CCDC9: variants seen among roughly 807,000 people sequenced by gnomAD.
The protein encoded by CCDC9 is coiled-coil domain-containing protein 9.
Under a neutral mutation model 65.6 loss-of-function variants are expected in CCDC9, and 52 were observed. That is an observed-to-expected ratio of 0.79 (90% confidence interval 0.63 to 1.00). The LOEUF (loss-of-function observed/expected upper bound fraction) is 1.00, where lower values mean the gene tolerates loss of function less well. Among genes scored for constraint, CCDC9 ranks in the 50% least tolerant of loss-of-function variants. The pLI, the probability that CCDC9 is intolerant of heterozygous loss-of-function variation, is 0.00. For synonymous variants in CCDC9, 332 were observed against 280.3 expected (o/e 1.18, Z -1.84); for missense variants, 834 against 757.2 (o/e 1.10, Z -1.19).
chr19:47,269,815 G>C (rs1332223272), intron 8 of CCDC9, among the ~76,000 whole-genome samples: 2 of 152,284 alleles, frequency 1.3e-5, no homozygotes, highest in East Asian at 3.9e-4. Context: ...AGGGAGACTG[G>C]TGGGAAAGGT....
At chr19:47,261,421 G>T (rs1443783449) in intron 5 of CCDC9, among the ~76,000 whole-genome samples, 1 of 152,138 alleles carries the variant, frequency 6.6e-6, no homozygotes, top group Non-Finnish European at 1.5e-5. Context: ...CAGCAGGGTG[G>T]GAGTCTGTCT....
At chr19:47,270,715 A>T in intron 10 of CCDC9, 27 bp downstream of exon 10, 3 of 1,600,114 alleles carry the variant, frequency 1.9e-6, no homozygotes, top group Non-Finnish European at 8.5e-7. Flanking sequence ...GCGGGCTTGC[A>T]TACCCCCAGG....
intron 10 of CCDC9, 61 bp from the exon 11 acceptor site, chr19:47,271,021 G>A (rs2059112903): frequency 7.8e-7 from 1 of 1,284,548 alleles, no homozygotes; most frequent in Non-Finnish European, 1.1e-6. Context: ...GTGGAGGCAG[G>A]AAGCCCCTTC....
At chr19:47,259,803 G>A (rs747709151) in intron 3 of CCDC9, among the ~76,000 whole-genome samples, 2 of 152,196 alleles carry the variant, frequency 1.3e-5, no homozygotes, top group African/African-American at 2.4e-5. Context: ...TGAGCGAGAC[G>A]CATATGGTGC....
At chr19:47,269,394 G>A (rs569173017) in intron 8 of CCDC9, among the ~76,000 whole-genome samples, 1 of 151,426 alleles carries the variant, frequency 6.6e-6, no homozygotes, top group South Asian at 2.1e-4. Flanking sequence ...TTGCTGTGTT[G>A]CCCAGGCTAG....
At chr19:47,263,163 G>A (rs1478780066) in intron 5 of CCDC9, among the ~76,000 whole-genome samples, 1 of 151,972 alleles carries the variant, frequency 6.6e-6, no homozygotes, top group Non-Finnish European at 1.5e-5. Flanking sequence ...ACGGATTGTG[G>A]TTGGTGGGGG....
intron 5 of CCDC9, among the ~76,000 whole-genome samples, chr19:47,261,805 G>A (rs78487578): frequency 0.33 from 49,851 of 150,248 alleles, 8,561 homozygotes; most frequent in East Asian, 0.59. Flanking sequence ...CGGATCACCT[G>A]AAGTCAGGAG....
chr19:47,261,937 C>T (rs1257511662), intron 5 of CCDC9, among the ~76,000 whole-genome samples: 2 of 151,634 alleles, frequency 1.3e-5, no homozygotes, highest in Non-Finnish European at 2.9e-5. Flanking sequence ...AGAAGAATTG[C>T]TTGAACCTGG....
chr19:47,267,471 A>T (rs999047355), intron 8 of CCDC9, among the ~76,000 whole-genome samples: 1 of 152,110 alleles, frequency 6.6e-6, no homozygotes, highest in African/African-American at 2.4e-5. Flanking sequence ...TCCAGGCTGG[A>T]CGCTAAGCTG....
At position 47,271,613 on chromosome 19, in the gene CCDC9, C is replaced by T; in HGVS notation, c.1531C>T (p.Pro511Ser). The T allele has an allele frequency of 6.2e-7, 1 of 1,611,060 alleles. No individual in the cohort carries two copies. The highest frequency in any genetic ancestry group is 8.5e-7 in the Non-Finnish European group (1 of 1,178,568). The change falls in exon 12 of 12, where the codon CCC becomes TCC. Residue 511 changes from proline to serine, a missense_variant. Coordinates refer to ENST00000221922, the MANE Select transcript of CCDC9 (RefSeq NM_015603.3). ...DWGEEVELNS[P>S]RTTHLAGALS... ...GGGTGAAGAGGTGGAGCTGAATTCTCCCCGGACCACTCACCTGGCTGGCGC... is the reference window on the plus strand; with the variant it reads ...GGGTGAAGAGGTGGAGCTGAATTCTTCCCGGACCACTCACCTGGCTGGCGC...
chr19:47,264,957 G>A lies in CCDC9; in HGVS notation c.720+11G>A. ...GAGCACGAGCGGCAGGTGGGTGTTG[G>A]CAGTGAGGACACCTCGGGGCTCTCA... is the stretch of plus-strand genomic sequence containing the variant. On this transcript the variant is annotated intron_variant, in intron 7 of 11. Transcript: ENST00000221922. 2 of 1,438,584 alleles carry A rather than the reference G, an allele frequency of 1.4e-6. No individual in the cohort carries two copies. The highest frequency in any genetic ancestry group is 1.5e-5 in the South Asian group (1 of 67,198). 89.1% of individuals were successfully genotyped at this position (1,438,584 alleles called of 1,614,324 possible).
intron 1 of CCDC9, chr19:47,258,054 C>T (rs2059022341): frequency 2.5e-6 from 1 of 393,138 alleles, no homozygotes; most frequent in Non-Finnish European, 4.7e-6. Flanking sequence ...GTGTTGGATA[C>T]TTAAGCAGTG....
intron 10 of CCDC9, among the ~76,000 whole-genome samples, 166 bp from the exon 11 acceptor site, chr19:47,270,916 C>T (rs1326243492): frequency 6.6e-6 from 1 of 152,140 alleles, no homozygotes; most frequent in East Asian, 1.9e-4. Flanking sequence ...ACCTGCCCCA[C>T]TTTCGTTCTG....
At chr19:47,269,059 T>C (rs778006596) in intron 8 of CCDC9, among the ~76,000 whole-genome samples, 2 of 152,090 alleles carry the variant, frequency 1.3e-5, no homozygotes, top group Admixed American at 1.3e-4. Context: ...TGAGCTGTTA[T>C]GATGCCACTG....
intron 3 of CCDC9, 40 bp downstream of exon 3, chr19:47,258,703 TC>T (rs1206265668): frequency 1.4e-6 from 2 of 1,472,872 alleles, no homozygotes; most frequent in Non-Finnish European, 1.9e-6. Flanking sequence ...TCCCCTCTCT[TC>T]CCCGCAGTGA....
downstream of CCDC9, among the ~76,000 whole-genome samples, chr19:47,272,312 T>TG (rs1227100566): frequency 1.9e-5 from 2 of 108,100 alleles, no homozygotes; most frequent in African/African-American, 7.3e-5. Flanking sequence ...CGGATAGGGA[T>TG]GGGGGGCTGG....
downstream of CCDC9, chr19:47,274,614 A>C: frequency 5.4e-6 from 1 of 185,614 alleles, no homozygotes; most frequent in Non-Finnish European, 9.8e-6. Context: ...ATGAAGTCCG[A>C]GTCTGGGAAG....
At chr19:47,260,236 A>G (rs1600277153) in intron 3 of CCDC9, 85 bp from the exon 4 acceptor site, 1 of 967,618 alleles carries the variant, frequency 1.0e-6, no homozygotes, top group East Asian at 2.6e-5. Flanking sequence ...GGCTGGGGCC[A>G]GACTTAGGAG....
rs758969031 is a variant in CCDC9, at chr19:47,271,384, G to A, written c.1302G>A (p.Glu434=). ...ACATAAGTGAGGATGAGGAAGAGGA[G>A]GAGATCGAGGTGGAAGAAGGTGATG... ...WEDISEDEEE[E]EIEVEEGDEE... The change falls in exon 12 of 12, where the codon GAG becomes GAA. Residue 434 remains glutamate, a synonymous_variant. Transcript: ENST00000221922. 2.5e-6 allele frequency: 4 copies of A among 1,613,266 alleles called. No individual in the cohort carries two copies. The highest frequency in any genetic ancestry group is 3.4e-6 in the Non-Finnish European group (4 of 1,179,692).
Sources: allele counts gnomAD v4.1 joint callset (sites outside exome capture counted in the v4.1 genomes callset), GRCh38; gene constraint gnomAD v4.1.1; transcripts MANE v1.5; gene names NCBI Gene and HGNC (gene_info 2026-07-23, HGNC 2026-07-21).